ROBO2: variants seen among roughly 807,000 people sequenced by gnomAD.
ROBO2 encodes the protein roundabout guidance receptor 2, also known as roundabout homolog 2.
In ROBO2, 53 loss-of-function variants were observed where a neutral mutation model predicts 160.8. That is an observed-to-expected ratio of 0.33 (90% CI 0.26 to 0.41). The LOEUF is 0.41. Among genes scored for constraint, ROBO2 ranks in the 10% least tolerant of loss-of-function variants. The probability of loss-of-function intolerance (pLI) is 1.00; values close to 1 mark genes in which losing one functional copy is unlikely to be tolerated. For missense variants in ROBO2, 1,577 were observed against 1,722.4 expected (o/e 0.92, Z 1.49); for synonymous variants, 664 against 611.7 (o/e 1.09, Z -1.26).
intron 2 of ROBO2, among the ~76,000 whole-genome samples, chr3:76,268,206 G>A (rs1252943801): frequency 6.6e-6 from 1 of 152,060 alleles, no homozygotes; most frequent in African/African-American, 2.4e-5. Context: ...GGAATTCAAG[G>A]CTGCAGTGAG....
chr3:76,585,656 T>A (rs1202180276), intron 2 of ROBO2, among the ~76,000 whole-genome samples: 2 of 152,176 alleles, frequency 1.3e-5, no homozygotes, highest in African/African-American at 4.8e-5. Context: ...CCAAAACATG[T>A]TGTTATTAAG....
At chr3:77,158,489 G>C (rs1215067086) in intron 2 of ROBO2, among the ~76,000 whole-genome samples, 2 of 152,084 alleles carry the variant, frequency 1.3e-5, no homozygotes, top group African/African-American at 4.8e-5. Flanking sequence ...TGGAGAAAAA[G>C]TGGTTTACAA....
intron 2 of ROBO2, among the ~76,000 whole-genome samples, chr3:76,199,462 C>A (rs1702416292): frequency 6.6e-6 from 1 of 152,112 alleles, no homozygotes; most frequent in South Asian, 2.1e-4. Flanking sequence ...AACAGATGAT[C>A]CTAATTCCTT....
intron 5 of ROBO2, among the ~76,000 whole-genome samples, chr3:77,513,631 A>G (rs1033248268): frequency 1.3e-5 from 2 of 151,888 alleles, no homozygotes; most frequent in African/African-American, 4.8e-5. Flanking sequence ...TTTAAGTATT[A>G]AAATAAATTT....
chr3:76,778,013 A>G (rs908772148), intron 2 of ROBO2, among the ~76,000 whole-genome samples: 22 of 151,076 alleles, frequency 1.5e-4, no homozygotes, highest in Non-Finnish European at 2.4e-4. Context: ...ATTTCCCTAC[A>G]TATACCTACC....
chr3:76,352,760 A>G (rs539452077), intron 2 of ROBO2, among the ~76,000 whole-genome samples: 4 of 152,104 alleles, frequency 2.6e-5, no homozygotes, highest in East Asian at 1.9e-4. Context: ...AGAGTTCCCC[A>G]TAAATATCAA....
chr3:76,436,678 GAAAAGAA>G (rs895024708), intron 2 of ROBO2, among the ~76,000 whole-genome samples: 1 of 151,414 alleles, frequency 6.6e-6, no homozygotes, highest in Non-Finnish European at 1.5e-5. Context: ...TACCAAACTT[GAAAAGAA>G]AAAAGAAAAA....
chr3:76,205,625 G>A (rs984352148), intron 2 of ROBO2, among the ~76,000 whole-genome samples: 4 of 152,124 alleles, frequency 2.6e-5, no homozygotes, highest in South Asian at 4.1e-4. Flanking sequence ...CACCAGAAAC[G>A]TAGTTGAACT....
upstream of ROBO2, among the ~76,000 whole-genome samples, chr3:77,038,705 C>A (rs905300457): frequency 6.6e-6 from 1 of 152,178 alleles, no homozygotes; most frequent in Non-Finnish European, 1.5e-5. Flanking sequence ...CACGTGGGCC[C>A]GGCCGCACCG....
At chr3:76,704,194 T>G (rs2093108743) in intron 2 of ROBO2, among the ~76,000 whole-genome samples, 1 of 152,124 alleles carries the variant, frequency 6.6e-6, no homozygotes, top group Non-Finnish European at 1.5e-5. Context: ...ACTTCTTCCC[T>G]CATTTATGTC....
At chr3:76,686,532 T>C (rs1430927336) in intron 2 of ROBO2, among the ~76,000 whole-genome samples, 1 of 152,112 alleles carries the variant, frequency 6.6e-6, no homozygotes, top group Non-Finnish European at 1.5e-5. Context: ...ATACCAGTTT[T>C]TAAAAATAGT....
intron 2 of ROBO2, among the ~76,000 whole-genome samples, chr3:76,537,820 G>A (rs13086626): frequency 0.31 from 46,848 of 151,894 alleles, 8,963 homozygotes; most frequent in Non-Finnish European, 0.42. Context: ...TACAGGGCTC[G>A]GGTAGGCAGT....
intron 2 of ROBO2, among the ~76,000 whole-genome samples, chr3:76,200,622 T>G (rs1702477770): frequency 6.6e-6 from 1 of 152,078 alleles, no homozygotes; most frequent in Admixed American, 6.6e-5. Flanking sequence ...CAGAATTAAA[T>G]TAATTTCTCT....
chr3:77,339,699 T>C (rs2066860534), intron 2 of ROBO2, among the ~76,000 whole-genome samples: 2 of 152,042 alleles, frequency 1.3e-5, no homozygotes, highest in South Asian at 2.1e-4. Context: ...AACTAAAACA[T>C]ACATCTACAG....
intron 2 of ROBO2, among the ~76,000 whole-genome samples, chr3:77,016,128 C>T (rs1373892399): frequency 6.6e-6 from 1 of 152,100 alleles, no homozygotes; most frequent in Non-Finnish European, 1.5e-5. Context: ...AGGCGCCCGC[C>T]ACCACGCCTG....
chr3:77,310,856 A>C (rs2063486170), intron 2 of ROBO2, among the ~76,000 whole-genome samples: 1 of 150,806 alleles, frequency 6.6e-6, no homozygotes, highest in Admixed American at 6.6e-5. Flanking sequence ...TTTAAGTGAA[A>C]AAAAAAAAAT....
chr3:76,522,755 G>C (rs2081700022), intron 2 of ROBO2, among the ~76,000 whole-genome samples: 1 of 151,790 alleles, frequency 6.6e-6, no homozygotes, highest in Non-Finnish European at 1.5e-5. Context: ...TAAAACTAGT[G>C]AGCTGCAAGA....
chr3:76,113,806 G>A (rs985306341), intron 2 of ROBO2, among the ~76,000 whole-genome samples: 2 of 152,228 alleles, frequency 1.3e-5, no homozygotes, highest in Middle Eastern at 3.4e-3. Flanking sequence ...GAGGAGTTTG[G>A]GTCTTGAGGA....
chr3:76,134,101 C>T (rs532830125), intron 2 of ROBO2, among the ~76,000 whole-genome samples: 5 of 152,118 alleles, frequency 3.3e-5, no homozygotes, highest in South Asian at 2.1e-4. Flanking sequence ...TATTTTTATT[C>T]GCTAGTTTAA....
Sources: allele counts gnomAD v4.1 joint callset (sites outside exome capture counted in the v4.1 genomes callset), GRCh38; gene constraint gnomAD v4.1.1; transcripts MANE v1.5; gene names NCBI Gene and HGNC (gene_info 2026-07-23, HGNC 2026-07-21).